ABL2: variants seen among roughly 807,000 people sequenced by gnomAD.
The protein encoded by ABL2 is ABL proto-oncogene 2, non-receptor tyrosine kinase.
ABL2 carries 49 observed loss-of-function variants against 107.7 expected under a neutral mutation model. The observed-to-expected ratio is 0.45, with a 90% confidence interval of 0.36 to 0.58. The LOEUF (loss-of-function observed/expected upper bound fraction) is 0.58. Among genes scored for constraint, ABL2 ranks in the 20% least tolerant of loss-of-function variants. The probability of loss-of-function intolerance (pLI) is 0.00; values close to 1 mark genes in which losing one functional copy is unlikely to be tolerated. For missense variants in ABL2, 1,245 were observed against 1,457.0 expected, an observed-to-expected ratio of 0.85 and a Z score of 2.37; for synonymous variants, 549 against 548.6, an observed-to-expected ratio of 1.00 and a Z score of -0.01.
intron 3 of ABL2, among the ~76,000 whole-genome samples, chr1:179,128,596 C>A (rs1655973839): frequency 1.3e-5 from 2 of 151,928 alleles, no homozygotes; most frequent in African/African-American, 4.8e-5. Context: ...ATTTTTCTAC[C>A]CTGGAAGTTT....
At chr1:179,219,813 T>A (rs1332987733) in intron 1 of ABL2, among the ~76,000 whole-genome samples, 1 of 152,258 alleles carries the variant, frequency 6.6e-6, no homozygotes, top group Admixed American at 6.5e-5. Context: ...GCTAAGGCAA[T>A]TCTACACTTT....
chr1:179,156,405 T>C (rs1658693101), intron 1 of ABL2, among the ~76,000 whole-genome samples: 2 of 152,184 alleles, frequency 1.3e-5, no homozygotes. Flanking sequence ...ATTACAAAAT[T>C]TTGGTTTAGG....
At chr1:179,167,553 A>G (rs541207968) in intron 1 of ABL2, among the ~76,000 whole-genome samples, 2 of 152,230 alleles carry the variant, frequency 1.3e-5, no homozygotes, top group Non-Finnish European at 2.9e-5. Context: ...ATTTCTAGGT[A>G]GCTAGAAAAG....
chr1:179,186,327 T>C (rs955353642), intron 1 of ABL2, among the ~76,000 whole-genome samples: 1 of 152,166 alleles, frequency 6.6e-6, no homozygotes, highest in Non-Finnish European at 1.5e-5. Context: ...TATTTCACAA[T>C]TCTTTTTGAG....
intron 1 of ABL2, among the ~76,000 whole-genome samples, chr1:179,224,953 G>T (rs1188655907): frequency 6.6e-6 from 1 of 152,106 alleles, no homozygotes; most frequent in Non-Finnish European, 1.5e-5. Flanking sequence ...TTGAGTCCAG[G>T]AGTTTAAGGC....
rs1655707462 is a variant in ABL2 at position 179,126,209 on chromosome 1, C to T, written c.687+168G>A. On this transcript the variant is annotated intron_variant, in intron 4 of 11. Transcript: ENST00000502732. This position sits in a 1 kb window ranked among gnomAD's most constrained non-coding sequence, Gnocchi z 4.4. ...TTTTAAAAATTTCTATTACCATATC[C>T]TTTTCAAGAGTACAAGCTCTAACAT... is the stretch of plus-strand genomic sequence containing the variant. Among the ~76,000 whole-genome samples the T allele has an allele frequency of 6.6e-6, 1 of 152,084 alleles. No individual in the cohort carries two copies. Among genetic ancestry groups the T allele is most frequent in the African/African-American group, 2.4e-5 (1 of 41,408 alleles).
chr1:179,215,713 A>G (rs997700260), intron 1 of ABL2, among the ~76,000 whole-genome samples: 6 of 152,176 alleles, frequency 3.9e-5, no homozygotes, highest in Non-Finnish European at 2.9e-5. Flanking sequence ...AAAAGAAAAG[A>G]AAAGTGCCAA....
chr1:179,117,220 ATG>A (rs1654731860), intron 8 of ABL2, 110 bp downstream of exon 8: 2 of 1,059,208 alleles, frequency 1.9e-6, no homozygotes, highest in Non-Finnish European at 2.8e-6. Flanking sequence ...CTGAAGAAGA[ATG>A]GCAGGTAAAG....
In ABL2 at chr1:179,107,931, A is replaced by G. The variant is rs1326035696; in HGVS notation, c.3336T>C (p.Thr1112=). The change falls in exon 12 of 12, where the codon ACT becomes ACC. Residue 1112 remains threonine (T), a synonymous_variant. Transcript: ENST00000502732. ...EPVPNSQLVD[T]GHQLLDYCSG... ...AGCAGTAGTCAAGCAGCTGGTGTCCAGTGTCTACCAGCTGGCTGTTGGGCA... is the reference window on the plus strand; with the variant it reads ...AGCAGTAGTCAAGCAGCTGGTGTCCGGTGTCTACCAGCTGGCTGTTGGGCA... 6.2e-7 allele frequency: 1 copy of G among 1,614,130 alleles called. No individual in the cohort carries two copies. The highest frequency in any genetic ancestry group is 1.3e-5 in the African/African-American group (1 of 74,928).
rs1413099945 is a variant in ABL2, at chr1:179,104,726, GAAGT to G, written c.*2988_*2991del. The G allele has an allele frequency of 9.3e-6, 2 of 214,884 alleles. No homozygotes were observed. Among genetic ancestry groups the G allele is most frequent in the East Asian group, 1.4e-4 (2 of 14,362 alleles). The allele number at this position is 214,884 out of a possible 1,614,324, so 13.3% of individuals were successfully genotyped here. A position where few individuals can be genotyped will look rare whatever the true frequency, so the allele number is the denominator to read the frequency against. On this transcript the variant is annotated 3_prime_UTR_variant, in exon 12 of 12. Transcript: ENST00000502732. ...CATTTTAAAGTGGGAAATCTAAACT[GAAGT>G]AATATTATCTGTACATGAAAGGAAT...
chr1:179,141,973 A>G (rs973505132), intron 1 of ABL2, among the ~76,000 whole-genome samples: 1 of 152,252 alleles, frequency 6.6e-6, no homozygotes, highest in Non-Finnish European at 1.5e-5. Flanking sequence ...AAGAGCAAGT[A>G]AATGTCAGTG....
intron 3 of ABL2, 85 bp downstream of exon 3, chr1:179,131,226 G>C (rs1431012894): frequency 6.9e-7 from 1 of 1,446,184 alleles, no homozygotes; most frequent in Non-Finnish European, 9.4e-7. Context: ...TTATAGGTGT[G>C]AGCCACTGTG....
In ABL2 at chr1:179,102,589, A is replaced by T. The variant is rs1653186148; in HGVS notation, c.*5129T>A. The stretch of plus-strand genomic sequence containing the variant: ...CCTTAGGGCACAGAGATGAACCCCA[A>T]ATCCAGGTGGAACAATTTAATGCAA... On this transcript the variant is annotated 3_prime_UTR_variant, in exon 12 of 12. Transcript: ENST00000502732. The T allele has an allele frequency of 4.4e-6, 1 of 228,236 alleles. No individual in the cohort carries two copies. Among genetic ancestry groups the T allele is most frequent in the Admixed American group, 5.7e-5 (1 of 17,608 alleles). 14.1% of individuals were successfully genotyped at this position (228,236 alleles called of 1,614,324 possible). A position where few individuals can be genotyped will look rare whatever the true frequency, so the allele number is the denominator to read the frequency against.
chr1:179,146,216 G>T (rs1657978223), intron 1 of ABL2, among the ~76,000 whole-genome samples: 1 of 152,226 alleles, frequency 6.6e-6, no homozygotes, highest in Non-Finnish European at 1.5e-5. Context: ...ATGGGATCAT[G>T]TTGGCTTAGA....
At chr1:179,193,929 G>A (rs1383367754) in intron 1 of ABL2, among the ~76,000 whole-genome samples, 1 of 151,922 alleles carries the variant, frequency 6.6e-6, no homozygotes, top group Non-Finnish European at 1.5e-5. Flanking sequence ...GTAGAGATAG[G>A]GTTTCACCTT....
rs55873652 is a variant in ABL2, at chr1:179,200,039, CTTTTTT to C, written c.157+29196_157+29201del. Among the ~76,000 whole-genome samples the C allele has an allele frequency of 2.3e-3, 197 of 84,090 alleles. 1 individual carries two copies. Among genetic ancestry groups the C allele is most frequent in the African/African-American group, 4.7e-3 (94 of 19,988 alleles). The allele number at this position is 84,090 out of a possible 152,430, so 55.2% of individuals were successfully genotyped here. On this transcript the variant is annotated intron_variant, in intron 1 of 11. Transcript: ENST00000502732. ...AGCCACTGCACCTGGCCCCCAATGC[CTTTTTT>C]TTTTTTTTTTTTTTTTTTTAAGACG...
chr1:179,100,246 G>C lies in ABL2; in HGVS notation c.*7472C>G. ...ACAGTGAGAAATTGCTGTCAAAATG[G>C]AGGAGAGCTGGTTTCTCTGGCCCTC... On this transcript the variant is annotated 3_prime_UTR_variant, in exon 12 of 12. Coordinates refer to ENST00000502732, the MANE Select transcript of ABL2 (RefSeq NM_007314.4). The C allele has an allele frequency of 4.4e-6, 1 of 227,808 alleles. No homozygotes were observed. Among genetic ancestry groups the C allele is most frequent in the Non-Finnish European group, 8.7e-6 (1 of 114,718 alleles). The allele number at this position is 227,808 out of a possible 1,614,324, so 14.1% of individuals were successfully genotyped here.
chr1:179,227,533 G>A (rs139825704), intron 1 of ABL2, among the ~76,000 whole-genome samples: 5 of 152,080 alleles, frequency 3.3e-5, no homozygotes, highest in African/African-American at 7.2e-5. Flanking sequence ...CTTACATACC[G>A]AATAAGATAG....
chr1:179,194,145 T>C (rs1044403564), intron 1 of ABL2, among the ~76,000 whole-genome samples: 5 of 152,190 alleles, frequency 3.3e-5, no homozygotes, highest in Non-Finnish European at 7.3e-5. Context: ...TTAACATTAG[T>C]TTTCATAAAT....
Sources: allele counts gnomAD v4.1 joint callset (sites outside exome capture counted in the v4.1 genomes callset), GRCh38; gene constraint gnomAD v4.1.1; non-coding constraint Gnocchi (gnomAD v3.1); transcripts MANE v1.5; gene names NCBI Gene and HGNC (gene_info 2026-07-23, HGNC 2026-07-21).